The following COG5 variants were observed in gnomAD, a reference collection of about 807,000 sequenced individuals.
COG5 encodes component of oligomeric golgi complex 5.
A neutral mutation model predicts 110.4 loss-of-function variants in COG5; 86 were observed. The ratio of observed to expected loss-of-function variants is 0.78; its 90% CI spans 0.65 to 0.93. The LOEUF (loss-of-function observed/expected upper bound fraction) is 0.93. Ranked by LOEUF, COG5 falls within the 40% of genes least tolerant of loss-of-function variation. COG5 has a pLI of 0.00. For missense variants in COG5, 1,077 were observed against 987.0 expected (o/e 1.09, Z -1.22); for synonymous variants, 360 against 334.6 (o/e 1.08, Z -0.83).
intron 18 of COG5, among the ~76,000 whole-genome samples, chr7:107,235,044 C>CTCATT (rs1332784858): frequency 6.6e-5 from 10 of 152,118 alleles, no homozygotes; most frequent in Non-Finnish European, 1.3e-4. Context: ...CAAATGAAGG[C>CTCATT]TCATTTCTAT....
intron 6 of COG5, among the ~76,000 whole-genome samples, chr7:107,512,759 T>C (rs1309671966): frequency 2.0e-5 from 3 of 152,178 alleles, no homozygotes; most frequent in African/African-American, 7.2e-5. Flanking sequence ...TACAACCATC[T>C]GATCTTTGAC....
chr7:107,535,615 A>C (rs187984613), intron 5 of COG5, among the ~76,000 whole-genome samples: 11 of 152,320 alleles, frequency 7.2e-5, no homozygotes, highest in African/African-American at 2.6e-4. Context: ...AACCAGATAG[A>C]AGTTGAATCC....
chr7:107,305,320 C>T (rs1475639048), intron 11 of COG5, among the ~76,000 whole-genome samples: 1 of 152,124 alleles, frequency 6.6e-6, no homozygotes, highest in Non-Finnish European at 1.5e-5. Context: ...CAGGCTGCTA[C>T]CCATTTCTTG....
At chr7:107,541,760 G>A (rs1208119514) in intron 5 of COG5, among the ~76,000 whole-genome samples, 1 of 150,606 alleles carries the variant, frequency 6.6e-6, no homozygotes, top group East Asian at 2.0e-4. Flanking sequence ...TTGAAACCCT[G>A]TCTCTACTAA....
chr7:107,203,706 A>C (rs993521985), intron 21 of COG5, 76 bp from the exon 22 acceptor site: 2 of 930,774 alleles, frequency 2.1e-6, no homozygotes, highest in African/African-American at 3.3e-5. Flanking sequence ...CCAATATATA[A>C]AAATTATTAG....
At chr7:107,365,596 C>CAAAAAAAA (rs71134263) in intron 8 of COG5, among the ~76,000 whole-genome samples, 942 of 36,730 alleles carry the variant, frequency 0.026, 10 homozygotes, top group East Asian at 0.054. Context: ...TGCAAAATGA[C>CAAAAAAAA]AAAAAAAAAA....
At chr7:107,554,452 T>C (rs1584961608) in intron 2 of COG5, 110 bp from the exon 3 acceptor site, 4 of 958,604 alleles carry the variant, frequency 4.2e-6, no homozygotes, top group East Asian at 5.2e-5. Context: ...CAAATACAAA[T>C]ACAAAAGAAA....
In COG5 at chr7:107,474,987, G is replaced by T; in HGVS notation, c.538+52250C>A. 1 of 1,612,532 alleles carries T rather than the reference G, an allele frequency of 6.2e-7. No individual in the cohort carries two copies. The highest frequency in any genetic ancestry group is 8.5e-7 in the Non-Finnish European group (1 of 1,179,208). Reference sequence around the variant, plus strand: ...ACCGTGAACGACGAGAAAGACAAAAGAGAGTCTTCAGGATGTCTTTATTGA... The same window carrying T: ...ACCGTGAACGACGAGAAAGACAAAATAGAGTCTTCAGGATGTCTTTATTGA... On this transcript the variant is annotated intron_variant, in intron 6 of 21. Transcript: ENST00000297135. The surrounding 1 kb of genome is among the most constrained non-coding windows in gnomAD (Gnocchi z 5.7).
chr7:107,302,591 T>A (rs1029602599), intron 11 of COG5, among the ~76,000 whole-genome samples: 2 of 152,138 alleles, frequency 1.3e-5, no homozygotes, highest in African/African-American at 2.4e-5. Context: ...TTCTTTGGCC[T>A]CCCTCTTCCC....
At chr7:107,226,768 AT>A (rs1800369553) in intron 19 of COG5, among the ~76,000 whole-genome samples, 1 of 152,342 alleles carries the variant, frequency 6.6e-6, no homozygotes, top group South Asian at 2.1e-4. Flanking sequence ...GTTAATCCTA[AT>A]CCTACGCTTT....
intron 16 of COG5, 78 bp downstream of exon 16, chr7:107,256,654 T>C (rs1802901281): frequency 4.6e-6 from 4 of 873,402 alleles, no homozygotes; most frequent in East Asian, 2.6e-5. Context: ...TATTATAAAA[T>C]GTGACATTGC....
At position 107,505,090 on chromosome 7, in the gene COG5, T is replaced by A. The variant is rs779612020; in HGVS notation, c.538+22147A>T. On this transcript the variant is annotated intron_variant, in intron 6 of 21. Transcript: ENST00000297135. The stretch of plus-strand genomic sequence containing the variant: ...TTCACTGTCTCCCATAGGGTTGAAA[T>A]GGTAGAGGTCTCTTGACGCTTAATC... 3.3e-5 allele frequency among the ~76,000 whole-genome samples: 5 copies of A among 152,222 alleles called. No homozygotes were observed. The East Asian group carries it at 7.7e-4, about 23-fold the overall frequency.
Position 107,360,695 on chromosome 7 carries a change from G to A in COG5, c.1026+1338C>T, listed in dbSNP as rs113395905. 6.7e-3 allele frequency among the ~76,000 whole-genome samples: 1,020 copies of A among 152,322 alleles called. 14 individuals carry two copies. Among genetic ancestry groups the A allele is most frequent in the African/African-American group, 0.023 (971 of 41,574 alleles). ...CCAGCTGCAGTCTCACATGGAGCTA[G>A]CACCTGTGCTGACACCTGGAGCTGC... On this transcript the variant is annotated intron_variant, in intron 10 of 21. Transcript: ENST00000297135.
intron 6 of COG5, among the ~76,000 whole-genome samples, chr7:107,421,313 A>G (rs1793272666): frequency 6.6e-6 from 1 of 152,206 alleles, no homozygotes; most frequent in African/African-American, 2.4e-5. Flanking sequence ...AGGTAAAATC[A>G]GCAGGGATAT....
Position 107,543,272 on chromosome 7 carries a change from AC to A in COG5, c.417+4838del, listed in dbSNP as rs538138986. ...AGGCACATTGAAGAGAGTAGGAAGG[AC>A]AGTATTACATTACCTGCGTCCCCCA... On this transcript the variant is annotated intron_variant, in intron 5 of 21. Transcript: ENST00000297135. Among the ~76,000 whole-genome samples, 12 of 152,338 alleles carry A rather than the reference AC, an allele frequency of 7.9e-5. No homozygotes were observed. In the East Asian group the frequency reaches 2.3e-3, roughly 29 times the overall value.
chr7:107,551,149 TC>T (rs1802861358), intron 3 of COG5, among the ~76,000 whole-genome samples: 1 of 152,076 alleles, frequency 6.6e-6, no homozygotes, highest in South Asian at 2.1e-4. Context: ...TTCACGCCAT[TC>T]TCCTGCCTCA....
At chr7:107,444,489 C>T (rs1422211751) in intron 6 of COG5, among the ~76,000 whole-genome samples, 2 of 152,150 alleles carry the variant, frequency 1.3e-5, no homozygotes, top group African/African-American at 2.4e-5. Flanking sequence ...CCACTCCAAC[C>T]CTGCTTTTCA....
At chr7:107,344,160 C>T (rs553446224) in intron 10 of COG5, among the ~76,000 whole-genome samples, 1 of 152,288 alleles carries the variant, frequency 6.6e-6, no homozygotes, top group South Asian at 2.1e-4. Context: ...TCCTAGTTGG[C>T]ATCTTCTTCT....
intron 6 of COG5, among the ~76,000 whole-genome samples, chr7:107,425,271 GGTCAATAAAGGGTCTTATTAATATA>G (rs1233613315): frequency 6.6e-6 from 1 of 151,418 alleles, no homozygotes; most frequent in Non-Finnish European, 1.5e-5. Flanking sequence ...TTAAAAATCA[GGTCAATAAAGGGTCTTATTAATATA>G]GTATAAAGCA....
Sources: gnomAD v4.1 joint callset for allele counts (sites outside exome capture counted in the v4.1 genomes callset) on GRCh38, gnomAD v4.1.1 for gene constraint, Gnocchi (gnomAD v3.1) non-coding constraint, MANE v1.5 for transcripts, NCBI Gene and HGNC (gene_info 2026-07-23, HGNC 2026-07-21) for gene names.